Variants in ATF7IP observed in about 807,000 individuals in gnomAD.
ATF7IP encodes the protein activating transcription factor 7-interacting protein 1.
ATF7IP carries 23 observed loss-of-function variants against 106.4 expected under a neutral mutation model. That is an observed-to-expected ratio of 0.22 (90% CI 0.16 to 0.31). The LOEUF (loss-of-function observed/expected upper bound fraction) is 0.31. ATF7IP is among the 10% of genes least tolerant of loss of function. The pLI is 1.00. For synonymous variants in ATF7IP, 542 were observed against 539.0 expected, an observed-to-expected ratio of 1.01 and a Z score of -0.08; for missense variants, 1,334 against 1,524.3, an observed-to-expected ratio of 0.88 and a Z score of 2.08.
At chr12:14,388,132 G>T (rs1939346709) in intron 1 of ATF7IP, among the ~76,000 whole-genome samples, 1 of 150,950 alleles carries the variant, frequency 6.6e-6, no homozygotes, top group Admixed American at 6.6e-5. Context: ...TCCTGTCTCA[G>T]CCTGCCTCCT....
At chr12:14,441,327 G>A (rs1428040503) in intron 5 of ATF7IP, among the ~76,000 whole-genome samples, 4 of 152,080 alleles carry the variant, frequency 2.6e-5, no homozygotes, top group African/African-American at 7.2e-5. Flanking sequence ...TTTCCCTAAT[G>A]ATAAATGATG....
intron 1 of ATF7IP, among the ~76,000 whole-genome samples, chr12:14,383,754 A>G (rs984030655): frequency 2.0e-5 from 3 of 152,108 alleles, no homozygotes; most frequent in Non-Finnish European, 2.9e-5. Flanking sequence ...ACAGACAGAG[A>G]TCTCGCTTTG....
chr12:14,370,029 C>T (rs1233253968), intron 1 of ATF7IP, among the ~76,000 whole-genome samples: 1 of 152,054 alleles, frequency 6.6e-6, no homozygotes, highest in East Asian at 1.9e-4. Context: ...CCTCCGCCTC[C>T]CAGGTTCAAA....
At chr12:14,418,738 T>C (rs1285538174) in intron 1 of ATF7IP, among the ~76,000 whole-genome samples, 2 of 152,242 alleles carry the variant, frequency 1.3e-5, no homozygotes, top group South Asian at 2.1e-4. Context: ...TTTTTTATTA[T>C]ATTTAGAACC....
intron 2 of ATF7IP, among the ~76,000 whole-genome samples, chr12:14,428,500 C>T (rs1459070946): frequency 2.0e-5 from 3 of 152,202 alleles, no homozygotes; most frequent in East Asian, 1.9e-4. Flanking sequence ...GTACTCTGTT[C>T]TCTTTATATG....
intron 5 of ATF7IP, among the ~76,000 whole-genome samples, chr12:14,443,668 G>A (rs922273995): frequency 1.3e-5 from 2 of 152,154 alleles, no homozygotes; most frequent in South Asian, 2.1e-4. Flanking sequence ...TTGAGAATGA[G>A]AAAATGCCTA....
intron 13 of ATF7IP, among the ~76,000 whole-genome samples, chr12:14,488,263 A>C (rs1944692861): frequency 6.6e-6 from 1 of 152,096 alleles, no homozygotes; most frequent in Non-Finnish European, 1.5e-5. Context: ...TATCTATAGT[A>C]TAAAGAGTAG....
At chr12:14,444,628 T>C (rs1169715832) in intron 5 of ATF7IP, among the ~76,000 whole-genome samples, 3 of 152,282 alleles carry the variant, frequency 2.0e-5, no homozygotes, top group Non-Finnish European at 2.9e-5. Flanking sequence ...CAGCTTCCTA[T>C]GTAAAAACAA....
chr12:14,368,733 A>G (rs552960896), intron 1 of ATF7IP, among the ~76,000 whole-genome samples: 3 of 152,154 alleles, frequency 2.0e-5, no homozygotes, highest in South Asian at 2.1e-4. Context: ...TGTTTTATAT[A>G]TGCATTTTTT....
chr12:14,469,074 A>C (rs1257382289), intron 10 of ATF7IP, among the ~76,000 whole-genome samples: 1 of 152,160 alleles, frequency 6.6e-6, no homozygotes, highest in Non-Finnish European at 1.5e-5. Context: ...GATCAGAAGA[A>C]ATCTGGATGT....
intron 1 of ATF7IP, chr12:14,394,793 T>C (rs1040158710): frequency 2.6e-5 from 4 of 152,192 alleles, no homozygotes; most frequent in African/African-American, 9.7e-5. Context: ...TTTTAGTTCT[T>C]TTATAGGTTT....
intron 13 of ATF7IP, among the ~76,000 whole-genome samples, chr12:14,494,174 G>C (rs1944919502): frequency 1.3e-5 from 2 of 149,872 alleles, no homozygotes; most frequent in African/African-American, 4.9e-5. Context: ...GCCAACTCCA[G>C]AAACCCCAAA....
chr12:14,448,930 T>G (rs778101501), intron 6 of ATF7IP, among the ~76,000 whole-genome samples: 9 of 152,226 alleles, frequency 5.9e-5, no homozygotes, highest in Non-Finnish European at 1.3e-4. Flanking sequence ...CATATGCTTG[T>G]TGGCCATTTA....
At chr12:14,378,201 G>A (rs1362772174) in intron 1 of ATF7IP, among the ~76,000 whole-genome samples, 2 of 151,176 alleles carry the variant, frequency 1.3e-5, no homozygotes, top group Admixed American at 1.3e-4. Flanking sequence ...GGGTTCAAGC[G>A]ATTCTCCTGC....
In ATF7IP at chr12:14,501,892, G is replaced by A. The variant is rs1413503859; in HGVS notation, c.*3819G>A. The stretch of plus-strand genomic sequence containing the variant: ...CTCCAAATTACCATTTATGCAACAT[G>A]GTTAGGGTTAATACTGCATGGTATT... On this transcript the variant is annotated 3_prime_UTR_variant, in exon 15 of 15. Transcript: ENST00000261168. The A allele has an allele frequency of 6.6e-6, 1 of 152,160 alleles. No individual in the cohort carries two copies. The highest frequency in any genetic ancestry group is 2.4e-5 in the African/African-American group (1 of 41,438). 9.4% of individuals were successfully genotyped at this position (152,160 alleles called of 1,614,324 possible).
chr12:14,397,474 A>G (rs1332345286), intron 1 of ATF7IP, among the ~76,000 whole-genome samples: 1 of 152,108 alleles, frequency 6.6e-6, no homozygotes, highest in Non-Finnish European at 1.5e-5. Flanking sequence ...ATACTTCACT[A>G]TTTCTAATGA....
chr12:14,387,121 C>T (rs1316132228), intron 1 of ATF7IP, among the ~76,000 whole-genome samples: 1 of 152,080 alleles, frequency 6.6e-6, no homozygotes. Context: ...ATTGTAAAAT[C>T]TTTAGGACTG....
intron 9 of ATF7IP, among the ~76,000 whole-genome samples, chr12:14,463,723 A>G (rs1943723628): frequency 6.6e-6 from 1 of 152,186 alleles, no homozygotes; most frequent in Non-Finnish European, 1.5e-5. Context: ...TGTTAGGAAG[A>G]CCAATTAAGA....
chr12:14,457,352 C>A, intron 8 of ATF7IP, 57 bp downstream of exon 8: 3 of 1,253,888 alleles, frequency 2.4e-6, no homozygotes, highest in South Asian at 1.4e-5. Flanking sequence ...GGCTTTGGTT[C>A]TCTTTTCTTA....
Sources: gnomAD v4.1 joint callset for allele counts (sites outside exome capture counted in the v4.1 genomes callset) on GRCh38, gnomAD v4.1.1 for gene constraint, MANE v1.5 for transcripts, NCBI Gene and HGNC (gene_info 2026-07-23, HGNC 2026-07-21) for gene names.